WWC2: variants seen among roughly 807,000 people sequenced by gnomAD.
The protein encoded by WWC2 is protein WWC2.
In WWC2, 101 loss-of-function variants were observed where a neutral mutation model predicts 138.5. The ratio of observed to expected loss-of-function variants is 0.73; its 90% CI spans 0.62 to 0.86. The LOEUF is 0.86. WWC2 is among the 40% of genes least tolerant of loss of function. The probability of loss-of-function intolerance (pLI) is 0.00; values close to 1 mark genes in which losing one functional copy is unlikely to be tolerated. For missense variants in WWC2, 1,420 were observed against 1,419.4 expected (o/e 1.00, Z -0.01); for synonymous variants, 558 against 538.4 (o/e 1.04, Z -0.50).
chr4:183,185,099 A>C (rs1348930353), intron 1 of WWC2, among the ~76,000 whole-genome samples: 1 of 152,234 alleles, frequency 6.6e-6, no homozygotes, highest in Non-Finnish European at 1.5e-5. Context: ...GTATTACCTC[A>C]GAACTTAGAG....
intron 2 of WWC2, among the ~76,000 whole-genome samples, chr4:183,203,106 A>G (rs1735346966): frequency 1.3e-5 from 2 of 151,804 alleles, no homozygotes; most frequent in Admixed American, 6.6e-5. Context: ...CTACTGGGAT[A>G]TTACATCTCA....
chr4:183,149,289 G>A (rs144006024), intron 1 of WWC2, among the ~76,000 whole-genome samples: 81 of 152,248 alleles, frequency 5.3e-4, no homozygotes, highest in African/African-American at 1.9e-3. Context: ...ATGCTTGGGT[G>A]ACAAAATGAC....
At chr4:183,313,814 G>A (rs1192304797) in intron 22 of WWC2, among the ~76,000 whole-genome samples, 1 of 150,492 alleles carries the variant, frequency 6.6e-6, no homozygotes, top group Non-Finnish European at 1.5e-5. Flanking sequence ...GGGAAGAGGA[G>A]ATTGATGGAG....
At chr4:183,292,499 T>G (rs187014201) in intron 21 of WWC2, among the ~76,000 whole-genome samples, 57 of 152,166 alleles carry the variant, frequency 3.7e-4, no homozygotes, top group African/African-American at 1.3e-3. Flanking sequence ...GAAAAAACAG[T>G]TGAATACTAT....
intron 2 of WWC2, chr4:183,203,535 A>G (rs1053361794): frequency 6.6e-6 from 1 of 152,050 alleles, no homozygotes; most frequent in African/African-American, 2.4e-5. Flanking sequence ...TGGGCTGACT[A>G]ATGTACACTC....
At chr4:183,270,168 G>C (rs986123913) in intron 15 of WWC2, 2 of 152,142 alleles carry the variant, frequency 1.3e-5, no homozygotes, top group Admixed American at 6.5e-5. Context: ...TATCAGAAAG[G>C]CTTTAGTATC....
At chr4:183,282,384 G>A (rs1738103606) in intron 17 of WWC2, among the ~76,000 whole-genome samples, 2 of 152,176 alleles carry the variant, frequency 1.3e-5, no homozygotes, top group African/African-American at 4.8e-5. Context: ...TTATTTTATA[G>A]TGAGTGTCAA....
At chr4:183,105,686 G>C (rs900893224) in intron 1 of WWC2, among the ~76,000 whole-genome samples, 13 of 152,102 alleles carry the variant, frequency 8.5e-5, no homozygotes, top group Non-Finnish European at 1.3e-4. Context: ...GTCAGGAGAT[G>C]CAGACCATCC....
intron 8 of WWC2, among the ~76,000 whole-genome samples, chr4:183,251,693 C>G (rs1736987126): frequency 6.6e-6 from 1 of 152,192 alleles, no homozygotes; most frequent in Admixed American, 6.5e-5. Context: ...ATCAAAACTT[C>G]AGACATTGGT....
At chr4:183,142,121 A>G (rs569268544) in intron 1 of WWC2, among the ~76,000 whole-genome samples, 25 of 152,330 alleles carry the variant, frequency 1.6e-4, no homozygotes, top group African/African-American at 5.8e-4. Context: ...GAAATATTTG[A>G]GAAAAGAACA....
chr4:183,181,257 T>C lies in WWC2; in HGVS notation c.132-12342T>C, dbSNP rs118157719. ...CTCTCTGGTAAATTGCATATCACAG[T>C]AAAAAGTGATCTCTCACAGTTCTCA... is the stretch of plus-strand genomic sequence containing the variant. On this transcript the variant is annotated intron_variant, in intron 1 of 22. Coordinates refer to ENST00000403733, the MANE Select transcript of WWC2 (RefSeq NM_024949.6). 2.6e-4 allele frequency among the ~76,000 whole-genome samples: 40 copies of C among 152,252 alleles called. No individual in the cohort carries two copies. The East Asian group carries it at 7.3e-3, about 28-fold the overall frequency.
chr4:183,125,686 T>C (rs928564850), intron 1 of WWC2, among the ~76,000 whole-genome samples: 1 of 152,192 alleles, frequency 6.6e-6, no homozygotes, highest in South Asian at 2.1e-4. Context: ...TTAGGAATTG[T>C]TTTAATATCG....
At chr4:183,302,637 C>A (rs959443816) in intron 21 of WWC2, among the ~76,000 whole-genome samples, 1 of 152,154 alleles carries the variant, frequency 6.6e-6, no homozygotes, top group African/African-American at 2.4e-5. Context: ...GAAAGTTACC[C>A]TGTATTCGCA....
At chr4:183,128,855 G>A (rs1469276343) in intron 1 of WWC2, among the ~76,000 whole-genome samples, 1 of 152,214 alleles carries the variant, frequency 6.6e-6, no homozygotes, top group East Asian at 1.9e-4. Flanking sequence ...TGCAGTAGAT[G>A]TAGTGTATCT....
At chr4:183,267,999 G>A (rs1021032992) in intron 14 of WWC2, among the ~76,000 whole-genome samples, 3 of 152,226 alleles carry the variant, frequency 2.0e-5, no homozygotes, top group African/African-American at 7.2e-5. Context: ...CCCAGGGACA[G>A]TGAGCTGTGT....
At position 183,268,000 on chromosome 4, in the gene WWC2, T is replaced by A. The variant is rs61526722; in HGVS notation, c.2208-971T>A. Reference sequence around the variant, plus strand: ...TGAATCTTCGGCCTCCCAGGGACAGTGAGCTGTGTCTTAGTAAGGCTCTTT... The same window carrying A: ...TGAATCTTCGGCCTCCCAGGGACAGAGAGCTGTGTCTTAGTAAGGCTCTTT... On this transcript the variant is annotated intron_variant, in intron 14 of 22. Coordinates refer to ENST00000403733, the MANE Select transcript of WWC2 (RefSeq NM_024949.6). Among the ~76,000 whole-genome samples the A allele has an allele frequency of 1.7e-3, 252 of 152,352 alleles. 2 individuals are homozygous for A. The highest frequency in any genetic ancestry group is 5.6e-3 in the African/African-American group (233 of 41,578).
chr4:183,120,955 G>C (rs188211124), intron 1 of WWC2, among the ~76,000 whole-genome samples: 1 of 152,314 alleles, frequency 6.6e-6, no homozygotes, highest in African/African-American at 2.4e-5. Context: ...AGGAGGGGTT[G>C]CTTACGCCTT....
chr4:183,134,897 T>G (rs553348529), intron 1 of WWC2, among the ~76,000 whole-genome samples: 6 of 152,170 alleles, frequency 3.9e-5, no homozygotes, highest in African/African-American at 7.2e-5. Context: ...ACATGATATA[T>G]TTAAATTAAA....
At chr4:183,171,295 C>A (rs1027256851) in intron 1 of WWC2, among the ~76,000 whole-genome samples, 9 of 151,996 alleles carry the variant, frequency 5.9e-5, no homozygotes, top group Non-Finnish European at 1.3e-4. Context: ...TATTTGGTGT[C>A]TTTTAACAAT....
Sources: gnomAD v4.1 joint callset for allele counts (sites outside exome capture counted in the v4.1 genomes callset) on GRCh38, gnomAD v4.1.1 for gene constraint, MANE v1.5 for transcripts, NCBI Gene and HGNC (gene_info 2026-07-23, HGNC 2026-07-21) for gene names.